Variants in DCLK1 observed in about 807,000 individuals in gnomAD.
DCLK1 encodes the protein serine/threonine-protein kinase DCLK1.
Under a neutral mutation model 86.2 loss-of-function variants are expected in DCLK1, and 16 were observed. The observed-to-expected ratio is 0.19, with a 90% CI of 0.13 to 0.28. DCLK1 has a LOEUF of 0.28. DCLK1 is among the 10% of genes least tolerant of loss of function. The pLI, the probability that DCLK1 is intolerant of heterozygous loss-of-function variation, is 1.00. For missense variants in DCLK1, 590 were observed against 940.2 expected, an observed-to-expected ratio of 0.63 and a Z score of 4.87; for synonymous variants, 369 against 370.5, an observed-to-expected ratio of 1.00 and a Z score of 0.05.
intron 3 of DCLK1, among the ~76,000 whole-genome samples, chr13:35,989,711 CTT>C (rs567228278): frequency 6.7e-5 from 9 of 134,176 alleles, no homozygotes; most frequent in Admixed American, 1.5e-4. Flanking sequence ...GGCTAATTGG[CTT>C]TTTTTTTTTT....
intron 4 of DCLK1, among the ~76,000 whole-genome samples, chr13:35,939,323 T>G (rs1339698121): frequency 8.5e-5 from 13 of 152,232 alleles, no homozygotes; most frequent in Non-Finnish European, 4.4e-5. Context: ...CCAGATTTTA[T>G]ATCCTTTTCT....
At chr13:36,042,055 G>A (rs1488912353) in intron 3 of DCLK1, among the ~76,000 whole-genome samples, 1 of 152,132 alleles carries the variant, frequency 6.6e-6, no homozygotes, top group East Asian at 1.9e-4. Flanking sequence ...AATGGGGGCT[G>A]TGAACACAGT....
chr13:36,049,937 G>A (rs1441520921), intron 3 of DCLK1, among the ~76,000 whole-genome samples: 2 of 152,096 alleles, frequency 1.3e-5, no homozygotes, highest in East Asian at 1.9e-4. Context: ...GCTGAGGTGG[G>A]TGGAATCCCT....
chr13:36,105,451 A>T (rs1885357502), intron 3 of DCLK1, among the ~76,000 whole-genome samples: 1 of 152,166 alleles, frequency 6.6e-6, no homozygotes, highest in Non-Finnish European at 1.5e-5. Flanking sequence ...AGCAGGCATT[A>T]TTATCATTAT....
chr13:36,059,515 C>T (rs956036368), intron 3 of DCLK1, among the ~76,000 whole-genome samples: 2 of 152,142 alleles, frequency 1.3e-5, no homozygotes, highest in African/African-American at 4.8e-5. Flanking sequence ...CCACTAAACC[C>T]CACTGGCCAA....
At chr13:35,843,081 G>T (rs1054185161) in intron 6 of DCLK1, among the ~76,000 whole-genome samples, 2 of 152,150 alleles carry the variant, frequency 1.3e-5, no homozygotes, top group Non-Finnish European at 2.9e-5. Flanking sequence ...ATGCTGAAAA[G>T]CCCACCTATA....
chr13:36,049,513 T>G (rs1006971956), intron 3 of DCLK1, among the ~76,000 whole-genome samples: 4 of 152,208 alleles, frequency 2.6e-5, no homozygotes, highest in Admixed American at 2.6e-4. Context: ...TCTAAGACAG[T>G]TTCCTGGCTG....
intron 3 of DCLK1, among the ~76,000 whole-genome samples, chr13:35,956,362 A>G (rs1375879427): frequency 2.0e-5 from 3 of 152,222 alleles, no homozygotes; most frequent in South Asian, 2.1e-4. Flanking sequence ...TCTATTGCAC[A>G]AAAGATTCAT....
chr13:36,067,960 T>C (rs1883826541), intron 3 of DCLK1, among the ~76,000 whole-genome samples: 1 of 152,216 alleles, frequency 6.6e-6, no homozygotes, highest in Non-Finnish European at 1.5e-5. Flanking sequence ...GTTACTGGTC[T>C]ACATATTAGG....
intron 3 of DCLK1, among the ~76,000 whole-genome samples, chr13:36,066,871 C>T (rs1244924330): frequency 6.6e-6 from 1 of 151,160 alleles, no homozygotes; most frequent in Admixed American, 6.6e-5. Context: ...CCATCTCACA[C>T]CAGTTAGAAT....
chr13:35,853,335 C>T (rs1336389517), intron 6 of DCLK1, among the ~76,000 whole-genome samples: 1 of 152,190 alleles, frequency 6.6e-6, no homozygotes, highest in African/African-American at 2.4e-5. Flanking sequence ...ATACCACGGC[C>T]ATTTAGTGGA....
intron 15 of DCLK1, among the ~76,000 whole-genome samples, chr13:35,793,911 C>T (rs1194409340): frequency 6.6e-6 from 1 of 152,160 alleles, no homozygotes; most frequent in Non-Finnish European, 1.5e-5. Flanking sequence ...GGATGGCAAG[C>T]TTGGGCTTCT....
At chr13:35,888,123 C>T (rs1480036030) in intron 4 of DCLK1, among the ~76,000 whole-genome samples, 2 of 151,860 alleles carry the variant, frequency 1.3e-5, no homozygotes, top group Non-Finnish European at 2.9e-5. Flanking sequence ...TTTCCTTTTC[C>T]CCACTTTTGC....
At chr13:35,902,486 A>G (rs1874428410) in intron 4 of DCLK1, among the ~76,000 whole-genome samples, 1 of 152,232 alleles carries the variant, frequency 6.6e-6, no homozygotes, top group Admixed American at 6.5e-5. Flanking sequence ...GGAAAATGGT[A>G]GAGGTGATTT....
intron 11 of DCLK1, among the ~76,000 whole-genome samples, chr13:35,815,923 G>C (rs568938781): frequency 2.0e-5 from 3 of 152,126 alleles, no homozygotes; most frequent in Non-Finnish European, 4.4e-5. Context: ...AGTCAGAAGA[G>C]AGGTAATTAA....
chr13:36,120,257 C>T (rs1885938003), intron 2 of DCLK1, among the ~76,000 whole-genome samples: 1 of 151,774 alleles, frequency 6.6e-6, no homozygotes, highest in South Asian at 2.1e-4. Flanking sequence ...ATCTACACGG[C>T]AAAAAACACA....
intron 3 of DCLK1, among the ~76,000 whole-genome samples, chr13:36,062,699 C>G (rs1245898737): frequency 6.6e-6 from 1 of 152,154 alleles, no homozygotes; most frequent in Non-Finnish European, 1.5e-5. Context: ...TTAATAAATG[C>G]AAACTGTGAT....
chr13:36,006,123 G>A (rs530658476), intron 3 of DCLK1, among the ~76,000 whole-genome samples: 1 of 152,148 alleles, frequency 6.6e-6, no homozygotes, highest in African/African-American at 2.4e-5. Context: ...CATAGTACAC[G>A]TATACCTATG....
intron 11 of DCLK1, among the ~76,000 whole-genome samples, chr13:35,813,458 C>T (rs1436199123): frequency 3.3e-5 from 5 of 152,130 alleles, no homozygotes; most frequent in Non-Finnish European, 7.3e-5. Flanking sequence ...CGAACATCTA[C>T]ATTTTAATAG....
Sources: allele counts gnomAD v4.1 joint callset (sites outside exome capture counted in the v4.1 genomes callset), GRCh38; gene constraint gnomAD v4.1.1; transcripts MANE v1.5; gene names NCBI Gene and HGNC (gene_info 2026-07-23, HGNC 2026-07-21).